Variants in SIAE observed in about 807,000 individuals in gnomAD.
SIAE encodes the protein sialate O-acetylesterase.
A neutral mutation model predicts 52.6 loss-of-function variants in SIAE; 39 were observed. The observed-to-expected ratio is 0.74, with a 90% CI of 0.57 to 0.97. The LOEUF (loss-of-function observed/expected upper bound fraction) is 0.97. SIAE is among the 50% of genes least tolerant of loss of function. The pLI is 0.00. For synonymous variants in SIAE, 233 were observed against 241.4 expected, an observed-to-expected ratio of 0.97 and a Z score of 0.32; for missense variants, 592 against 662.1, an observed-to-expected ratio of 0.89 and a Z score of 1.16.
upstream of SIAE, chr11:124,675,095 A>G (rs1198069256): frequency 1.4e-6 from 1 of 737,394 alleles, no homozygotes; most frequent in Non-Finnish European, 2.1e-6. Context: ...TCTTTGGAAG[A>G]AATGGATGGG....
At chr11:124,664,460 T>A (rs1943243263) in intron 2 of SIAE, among the ~76,000 whole-genome samples, 1 of 152,142 alleles carries the variant, frequency 6.6e-6, no homozygotes, top group Admixed American at 6.5e-5. Flanking sequence ...GGTCTCGATC[T>A]CCTGACCTTG....
At chr11:124,675,440 A>AT (rs764841789), upstream of SIAE, 7 of 1,600,142 alleles carry the variant, frequency 4.4e-6, no homozygotes, top group East Asian at 1.6e-4. Flanking sequence ...AAAATTAGTC[A>AT]TTTTTTAAAA....
chr11:124,667,404 A>G (rs910642037), intron 2 of SIAE, among the ~76,000 whole-genome samples: 1 of 152,202 alleles, frequency 6.6e-6, no homozygotes, highest in Admixed American at 6.5e-5. Flanking sequence ...AAAAAGTCTT[A>G]AAACCCAAGA....
Position 124,673,056 on chromosome 11 carries a change from A to C in SIAE, c.67+586T>G, listed in dbSNP as rs1325804447. Among the ~76,000 whole-genome samples, 5 of 152,098 alleles carry C rather than the reference A, an allele frequency of 3.3e-5. No homozygotes were observed. The East Asian group carries it at 9.6e-4, about 29-fold the overall frequency. On this transcript the variant is annotated intron_variant, in intron 1 of 9. Coordinates refer to ENST00000263593, the MANE Select transcript of SIAE (RefSeq NM_170601.5). ...GGGAGCCACCAGCCTCCCCTATGCCACTCACATTTTCCCACCACCAATATC... is the reference window on the plus strand; with the variant it reads ...GGGAGCCACCAGCCTCCCCTATGCCCCTCACATTTTCCCACCACCAATATC...
At position 124,637,208 on chromosome 11, in the gene SIAE, AAGAG is replaced by A. The variant is rs1565406599; in HGVS notation, c.1321-10_1321-7del. The A allele has an allele frequency of 6.2e-7, 1 of 1,614,138 alleles. No individual in the cohort carries two copies. ...TGGTCACTGCAACAGGAGATCTAAT[AAGAG>A]AGCCATAAAATAGGAATGATTAGGT... On this transcript the variant is annotated splice_polypyrimidine_tract_variant and splice_region_variant and intron_variant, in intron 9 of 9. Transcript: ENST00000263593.
chr11:124,675,397 A>C, upstream of SIAE: 1 of 1,611,592 alleles, frequency 6.2e-7, no homozygotes, highest in Non-Finnish European at 8.5e-7. Flanking sequence ...CTATTTTGAG[A>C]GCCTTCTAGA....
intron 5 of SIAE, 113 bp from the exon 6 acceptor site, chr11:124,648,288 C>T (rs998403951): frequency 6.5e-6 from 5 of 765,178 alleles, no homozygotes; most frequent in Non-Finnish European, 1.2e-5. Context: ...ATGAAAGCAA[C>T]ACAGAATTAA....
chr11:124,637,810 G>C (rs12271737), intron 9 of SIAE, among the ~76,000 whole-genome samples: 3,663 of 152,262 alleles, frequency 0.024, 130 homozygotes, highest in African/African-American at 0.079. Flanking sequence ...GGATACCGTA[G>C]TTAGGACTTC....
intron 3 of SIAE, among the ~76,000 whole-genome samples, chr11:124,657,763 C>T (rs1591391863): frequency 6.6e-6 from 1 of 152,184 alleles, no homozygotes; most frequent in Non-Finnish European, 1.5e-5. Context: ...AACATAATGA[C>T]AATTACTTCA....
chr11:124,675,174 T>C, upstream of SIAE: 1 of 1,460,952 alleles, frequency 6.8e-7, no homozygotes, highest in Non-Finnish European at 9.2e-7. Context: ...TTTGTTGGCA[T>C]AGTTGTGATT....
intron 3 of SIAE, among the ~76,000 whole-genome samples, chr11:124,658,197 G>A (rs1453237439): frequency 6.6e-6 from 1 of 152,012 alleles, no homozygotes; most frequent in East Asian, 1.9e-4. Context: ...TTGGCATGGG[G>A]TCTGCATAGG....
chr11:124,673,947 AAGG>A, upstream of SIAE: 3 of 573,274 alleles, frequency 5.2e-6, no homozygotes, highest in Non-Finnish European at 6.2e-6. Flanking sequence ...CTCGGAGAGA[AAGG>A]AGGTGAGGCC....
At chr11:124,651,416 C>T (rs566655971) in intron 4 of SIAE, among the ~76,000 whole-genome samples, 21 of 152,060 alleles carry the variant, frequency 1.4e-4, no homozygotes, top group African/African-American at 2.2e-4. Flanking sequence ...GGTGTGGTGG[C>T]GCACACCTTT....
chr11:124,667,006 C>T (rs1455245769), intron 2 of SIAE, among the ~76,000 whole-genome samples: 2 of 152,150 alleles, frequency 1.3e-5, no homozygotes, highest in African/African-American at 2.4e-5. Context: ...AAAAATAATG[C>T]AAAAGGATTT....
upstream of SIAE, chr11:124,673,917 AC>A (rs1943418041): frequency 1.7e-6 from 1 of 591,206 alleles, no homozygotes; most frequent in African/African-American, 1.9e-5. Context: ...TAGAAAAACA[AC>A]CGGAACCGGC....
chr11:124,671,187 T>G (rs1227871606), intron 1 of SIAE, among the ~76,000 whole-genome samples: 1 of 152,190 alleles, frequency 6.6e-6, no homozygotes, highest in Non-Finnish European at 1.5e-5. Context: ...GAAAGGATCT[T>G]CATAATCGTA....
chr11:124,638,771 T>C (rs969978486), intron 8 of SIAE, 34 bp from the exon 9 acceptor site: 1 of 1,572,928 alleles, frequency 6.4e-7, no homozygotes, highest in Non-Finnish European at 8.7e-7. Context: ...GAACTTTGGG[T>C]TTAAGCTCAA....
chr11:124,638,662 C>T lies in SIAE; in HGVS notation c.1200G>A (p.Lys400=), dbSNP rs766047951. The T allele has an allele frequency of 4.3e-6, 7 of 1,614,014 alleles. No homozygotes were observed. The highest frequency in any genetic ancestry group is 5.9e-6 in the Non-Finnish European group (7 of 1,180,038). The change falls in exon 9 of 10, where the codon AAG becomes AAA. Residue 400 remains lysine (K), a synonymous_variant. Transcript: ENST00000263593. ...GCAGTGGTCCTTCAAAGGTCAAATT[C>T]TTCTCACCATAAGCCAGAGCACGGG... The part of the protein sequence containing the change: ...LGARALAYGE[K]NLTFEGPLPE...
At chr11:124,653,967 A>G (rs1375638661) in intron 4 of SIAE, among the ~76,000 whole-genome samples, 2 of 152,120 alleles carry the variant, frequency 1.3e-5, no homozygotes, top group Non-Finnish European at 2.9e-5. Flanking sequence ...TCATGAGGTC[A>G]GGAGTTCGAG....
Sources: gnomAD v4.1 joint callset for allele counts (sites outside exome capture counted in the v4.1 genomes callset) on GRCh38, gnomAD v4.1.1 for gene constraint, MANE v1.5 for transcripts, NCBI Gene and HGNC (gene_info 2026-07-23, HGNC 2026-07-21) for gene names.